Variants in ZNRF1 observed in about 807,000 individuals in gnomAD.
ZNRF1 encodes the protein zinc and ring finger 1.
In ZNRF1, 3 loss-of-function variants were observed where a neutral mutation model predicts 18.4. That is an observed-to-expected ratio of 0.16 (90% CI 0.07 to 0.42). The LOEUF is 0.42. ZNRF1 is among the 10% of genes least tolerant of loss of function. The pLI is 0.99. For missense variants in ZNRF1, 310 were observed against 329.8 expected, an observed-to-expected ratio of 0.94 and a Z score of 0.47; for synonymous variants, 157 against 144.2, an observed-to-expected ratio of 1.09 and a Z score of -0.64.
chr16:75,075,701 T>G (rs913829878), intron 1 of ZNRF1, among the ~76,000 whole-genome samples: 1 of 152,168 alleles, frequency 6.6e-6, no homozygotes, highest in African/African-American at 2.4e-5. Context: ...TTCAAGGGGC[T>G]TATACTGTAA....
At chr16:75,013,392 G>C (rs151310462) in intron 1 of ZNRF1, among the ~76,000 whole-genome samples, 1 of 151,808 alleles carries the variant, frequency 6.6e-6, no homozygotes, top group Non-Finnish European at 1.5e-5. Context: ...CTGTCGCCAG[G>C]CTGGAGTGCA....
chr16:75,091,251 C>T (rs552836978), intron 1 of ZNRF1, among the ~76,000 whole-genome samples: 3 of 151,354 alleles, frequency 2.0e-5, no homozygotes, highest in South Asian at 2.1e-4. Flanking sequence ...CCCAGCTACT[C>T]GGGAGGCTGA....
chr16:75,055,341 T>G (rs902257963), intron 1 of ZNRF1, among the ~76,000 whole-genome samples: 3 of 152,222 alleles, frequency 2.0e-5, no homozygotes, highest in African/African-American at 7.2e-5. Flanking sequence ...TTAGAACCAC[T>G]CCTTCATTTG....
intron 1 of ZNRF1, among the ~76,000 whole-genome samples, chr16:75,023,277 T>C (rs138840961): frequency 6.5e-4 from 99 of 152,254 alleles, no homozygotes; most frequent in Non-Finnish European, 9.8e-4. Flanking sequence ...CAGTTAAAGA[T>C]TCTCAAGAAA....
At chr16:75,016,169 C>T (rs968498791) in intron 1 of ZNRF1, among the ~76,000 whole-genome samples, 4 of 151,976 alleles carry the variant, frequency 2.6e-5, no homozygotes, top group African/African-American at 4.8e-5. Flanking sequence ...ACCCGTCCAC[C>T]GCCTCGGTCT....
intron 1 of ZNRF1, among the ~76,000 whole-genome samples, chr16:75,043,806 T>TTTTTTTTTTTTTA (rs1567476290): frequency 8.8e-5 from 13 of 147,592 alleles, no homozygotes; most frequent in African/African-American, 1.7e-4. Flanking sequence ...TTTTTTTTTT[T>TTTTTTTTTTTTTA]GAGACAGAGT....
intron 1 of ZNRF1, among the ~76,000 whole-genome samples, chr16:75,008,825 G>A (rs1279887738): frequency 6.6e-6 from 1 of 152,110 alleles, no homozygotes; most frequent in East Asian, 1.9e-4. Flanking sequence ...AAATGTAGGT[G>A]TTTGTCCATA....
chr16:75,040,668 G>A (rs1244647495), intron 1 of ZNRF1, among the ~76,000 whole-genome samples: 9 of 135,294 alleles, frequency 6.7e-5, no homozygotes, highest in Non-Finnish European at 1.2e-4. Context: ...GTGCAGTGGC[G>A]CAATCTCGGC....
At chr16:75,069,333 G>C (rs2035841828) in intron 1 of ZNRF1, among the ~76,000 whole-genome samples, 1 of 152,114 alleles carries the variant, frequency 6.6e-6, no homozygotes, top group Non-Finnish European at 1.5e-5. Flanking sequence ...TCTTTGCCCA[G>C]GTGTTTAACT....
rs192075289 is a variant in ZNRF1 at position 75,100,734 on chromosome 16, G to A, written c.521-4050G>A. On this transcript the variant is annotated intron_variant, in intron 2 of 4. Coordinates refer to ENST00000335325, the MANE Select transcript of ZNRF1 (RefSeq NM_032268.5). ...ATCCTCCTTAAGTATGGAGGGGAAG[G>A]AATGCTTTAGAGGAAACTAAGGGCT... 1.5e-3 allele frequency among the ~76,000 whole-genome samples: 226 copies of A among 152,316 alleles called. 2 individuals carry two copies. The highest frequency in any genetic ancestry group is 1.1e-3 in the Non-Finnish European group (76 of 68,028).
chr16:75,029,908 AT>A (rs1320712456), intron 1 of ZNRF1, among the ~76,000 whole-genome samples: 1 of 151,906 alleles, frequency 6.6e-6, no homozygotes, highest in East Asian at 1.9e-4. Flanking sequence ...AGAAAAAAAA[AT>A]TAGCCAGGTG....
chr16:75,081,734 A>G (rs112073791), intron 1 of ZNRF1, among the ~76,000 whole-genome samples: 5 of 152,314 alleles, frequency 3.3e-5, no homozygotes, highest in South Asian at 2.1e-4. Context: ...TGTCTATCCT[A>G]CTGCCTAGCT....
intron 1 of ZNRF1, among the ~76,000 whole-genome samples, chr16:75,091,937 G>A (rs117805804): frequency 0.035 from 5,312 of 152,106 alleles, 174 homozygotes; most frequent in Non-Finnish European, 0.048. Flanking sequence ...GATGGATTTT[G>A]TATGTTATAA....
At chr16:75,019,035 G>A (rs897503246) in intron 1 of ZNRF1, among the ~76,000 whole-genome samples, 5 of 152,156 alleles carry the variant, frequency 3.3e-5, no homozygotes, top group East Asian at 1.9e-4. Flanking sequence ...GCGTGGTGGC[G>A]CGTGACTGTA....
At chr16:75,026,634 T>G (rs2035227634) in intron 1 of ZNRF1, among the ~76,000 whole-genome samples, 1 of 152,064 alleles carries the variant, frequency 6.6e-6, no homozygotes. Context: ...GTAACAGTAG[T>G]ATGTAATAAG....
chr16:75,069,768 T>TC lies in ZNRF1; in HGVS notation c.425-23799dup, dbSNP rs781092959. ...TAATCCATATCTCCAGTCCAGATCT[T>TC]CCCCCTGGGCCTCGGCCCCTCACAC... On this transcript the variant is annotated intron_variant, in intron 1 of 4. Coordinates refer to ENST00000335325, the MANE Select transcript of ZNRF1 (RefSeq NM_032268.5). Among the ~76,000 whole-genome samples, 24 of 152,242 alleles carry TC rather than the reference T, an allele frequency of 1.6e-4. No individual in the cohort carries two copies. The East Asian group carries it at 2.9e-3, about 18-fold the overall frequency.
At chr16:75,043,189 G>A (rs1441566706) in intron 1 of ZNRF1, among the ~76,000 whole-genome samples, 2 of 152,140 alleles carry the variant, frequency 1.3e-5, no homozygotes, top group East Asian at 1.9e-4. Flanking sequence ...TTTCTAAGCA[G>A]CCTGGCCAAG....
intron 1 of ZNRF1, among the ~76,000 whole-genome samples, chr16:75,073,473 C>G (rs1307092787): frequency 1.3e-5 from 2 of 152,052 alleles, no homozygotes; most frequent in African/African-American, 4.8e-5. Context: ...ATTCCCCACC[C>G]CGCCGTAGCC....
intron 1 of ZNRF1, among the ~76,000 whole-genome samples, chr16:75,073,668 A>G (rs1348796688): frequency 6.6e-6 from 1 of 152,052 alleles, no homozygotes; most frequent in African/African-American, 2.4e-5. Flanking sequence ...GATCTGTCCG[A>G]CGTGCACATT....
Sources: gnomAD v4.1 joint callset for allele counts (sites outside exome capture counted in the v4.1 genomes callset) on GRCh38, gnomAD v4.1.1 for gene constraint, MANE v1.5 for transcripts, NCBI Gene and HGNC (gene_info 2026-07-23, HGNC 2026-07-21) for gene names.